The following FRYL variants were observed in gnomAD, a reference collection of about 807,000 sequenced individuals.
FRYL encodes the protein FRY like transcription coactivator.
A neutral mutation model predicts 351.2 loss-of-function variants in FRYL; 150 were observed. That is an observed-to-expected ratio of 0.43 (90% CI 0.37 to 0.49). The LOEUF (loss-of-function observed/expected upper bound fraction) is 0.49, where lower values mean the gene tolerates loss of function less well. Ranked by LOEUF, FRYL falls within the 20% of genes least tolerant of loss-of-function variation. FRYL has a pLI of 0.00. For missense variants in FRYL, 3,036 were observed against 3,619.3 expected (o/e 0.84, Z 4.13); for synonymous variants, 1,153 against 1,257.1 (o/e 0.92, Z 1.75).
chr4:48,644,424 A>G (rs1366349847), intron 3 of FRYL, among the ~76,000 whole-genome samples: 1 of 151,912 alleles, frequency 6.6e-6, no homozygotes, highest in Non-Finnish European at 1.5e-5. Context: ...TCAGAACATA[A>G]TATGATTATA....
intron 45 of FRYL, 51 bp downstream of exon 45, chr4:48,541,976 G>C: frequency 8.5e-7 from 1 of 1,171,232 alleles, no homozygotes; most frequent in Non-Finnish European, 1.3e-6. Flanking sequence ...GCTATATGTA[G>C]TTAGCTATTC....
At chr4:48,721,691 G>A (rs1769490079) in intron 1 of FRYL, among the ~76,000 whole-genome samples, 1 of 152,130 alleles carries the variant, frequency 6.6e-6, no homozygotes, top group Admixed American at 6.5e-5. Context: ...CCAGGCTGGA[G>A]TGCTGTGGCG....
intron 54 of FRYL, among the ~76,000 whole-genome samples, chr4:48,521,777 C>T (rs6823932): frequency 0.021 from 3,270 of 152,186 alleles, 113 homozygotes; most frequent in African/African-American, 0.073. Context: ...TTAGCAGCAG[C>T]GGTTGGTCAT....
intron 1 of FRYL, among the ~76,000 whole-genome samples, chr4:48,742,973 ATTTTTTTTTTTTTT>A (rs71191256): frequency 1.2e-5 from 1 of 81,746 alleles, no homozygotes; most frequent in Non-Finnish European, 2.3e-5. Context: ...CGCCTGGATA[ATTTTTTTTTTTTTT>A]TTTTTTTTTT....
intron 1 of FRYL, among the ~76,000 whole-genome samples, chr4:48,728,624 T>C (rs1770345341): frequency 6.6e-6 from 1 of 151,290 alleles, no homozygotes; most frequent in African/African-American, 2.4e-5. Flanking sequence ...CTACAGAAAA[T>C]CTAAGATAAA....
intron 1 of FRYL, among the ~76,000 whole-genome samples, chr4:48,755,172 A>G (rs1250187163): frequency 6.6e-6 from 1 of 152,144 alleles, no homozygotes; most frequent in Non-Finnish European, 1.5e-5. Context: ...ATTCAGTCAC[A>G]TCTCCCTCAC....
Position 48,581,422 on chromosome 4 carries a change from T to C in FRYL, c.2170A>G (p.Lys724Glu). 1 of 1,604,302 alleles carries C rather than the reference T, an allele frequency of 6.2e-7. No individual in the cohort carries two copies. Residue 724 changes from lysine (K) to glutamate (E), a missense_variant and splice_region_variant, in exon 21 of 64, where the codon AAG (lysine) becomes GAG (glutamate). Physicochemically the swap from Lys to Glu is moderately conservative, Grantham distance 56. Coordinates refer to ENST00000358350, the MANE Select transcript of FRYL (RefSeq NM_015030.2). ...RALFALLEIP[K>E]GDDELAIDVM... ...TGAATGAAATACCTAAATCTTACCTTAGGTATTTCCAGAAGTGCAAATAAA... is the reference window on the plus strand; with the variant it reads ...TGAATGAAATACCTAAATCTTACCTCAGGTATTTCCAGAAGTGCAAATAAA...
At chr4:48,573,068 G>A (rs1194682242) in intron 26 of FRYL, 118 bp downstream of exon 26, 2 of 675,070 alleles carry the variant, frequency 3.0e-6, no homozygotes, top group Non-Finnish European at 5.1e-6. Flanking sequence ...GGAAGTGTCT[G>A]CATCTTAAAA....
chr4:48,592,081 CTTATATATATATATATAT>C (rs1743393777), intron 16 of FRYL, among the ~76,000 whole-genome samples: 2 of 24,808 alleles, frequency 8.1e-5, no homozygotes, highest in African/African-American at 1.6e-4. Context: ...AAATAAAGCT[CTTATATATATATATATAT>C]ATATATATAT....
At chr4:48,705,453 C>T (rs1767226366) in intron 2 of FRYL, among the ~76,000 whole-genome samples, 1 of 148,192 alleles carries the variant, frequency 6.7e-6, no homozygotes. Flanking sequence ...AGGAGTGATC[C>T]CCAGAATATA....
intron 1 of FRYL, among the ~76,000 whole-genome samples, chr4:48,737,191 A>G (rs1051276867): frequency 8.2e-5 from 12 of 145,784 alleles, no homozygotes; most frequent in Admixed American, 7.1e-5. Context: ...CTGGAGGCGG[A>G]GATTGCAGTG....
chr4:48,525,988 T>C (rs1235386188), intron 53 of FRYL, among the ~76,000 whole-genome samples: 1 of 152,076 alleles, frequency 6.6e-6, no homozygotes, highest in Non-Finnish European at 1.5e-5. Context: ...GAGTTGTATA[T>C]GTGTATGTAT....
intron 33 of FRYL, among the ~76,000 whole-genome samples, chr4:48,559,327 T>C (rs547433611): frequency 2.7e-5 from 4 of 150,764 alleles, no homozygotes; most frequent in Non-Finnish European, 5.9e-5. Context: ...GGTCACGGTG[T>C]GGTTTGACTT....
At chr4:48,760,636 T>C (rs1774306427) in intron 1 of FRYL, among the ~76,000 whole-genome samples, 1 of 152,136 alleles carries the variant, frequency 6.6e-6, no homozygotes, top group African/African-American at 2.4e-5. Context: ...GGGAAAATGT[T>C]GTCATTCATC....
intron 3 of FRYL, among the ~76,000 whole-genome samples, chr4:48,643,658 C>G (rs920179424): frequency 5.9e-5 from 9 of 151,988 alleles, no homozygotes; most frequent in African/African-American, 2.2e-4. Flanking sequence ...AAAATTAAAT[C>G]GTTACAAATA....
At position 48,731,045 on chromosome 4, in the gene FRYL, C is replaced by CA. The variant is rs372047149; in HGVS notation, c.-383-20348dup. Among the ~76,000 whole-genome samples the CA allele has an allele frequency of 5.7e-3, 803 of 141,880 alleles. 2 individuals carry two copies. Among genetic ancestry groups the CA allele is most frequent in the African/African-American group, 8.3e-3 (320 of 38,766 alleles). 93.1% of individuals were successfully genotyped at this position (141,880 alleles called of 152,430 possible). A position where few individuals can be genotyped will look rare whatever the true frequency, so the allele number is the denominator to read the frequency against. ...GAAGATCTACCAAGCAAATGGAAAG[C>CA]AAAAAAAAAAGCAGGGGTTGCAGTC... On this transcript the variant is annotated intron_variant, in intron 1 of 63. Coordinates refer to ENST00000358350, the MANE Select transcript of FRYL (RefSeq NM_015030.2).
intron 1 of FRYL, among the ~76,000 whole-genome samples, chr4:48,726,651 C>T (rs184821190): frequency 2.9e-3 from 439 of 152,284 alleles, no homozygotes; most frequent in Non-Finnish European, 4.2e-3. Flanking sequence ...CACAGCACTC[C>T]AGTCTGGGCG....
At chr4:48,726,152 C>G (rs1770059193) in intron 1 of FRYL, among the ~76,000 whole-genome samples, 1 of 152,130 alleles carries the variant, frequency 6.6e-6, no homozygotes, top group South Asian at 2.1e-4. Context: ...GTGAGGTGGT[C>G]AGGCTTACCA....
At chr4:48,551,737 A>G (rs1031231487) in intron 36 of FRYL, among the ~76,000 whole-genome samples, 159 bp from the exon 37 acceptor site, 2 of 152,374 alleles carry the variant, frequency 1.3e-5, no homozygotes, top group Middle Eastern at 3.4e-3. Flanking sequence ...GGGAAAGGAC[A>G]TAAGACAAAC....
Sources: gnomAD v4.1 joint callset for allele counts (sites outside exome capture counted in the v4.1 genomes callset) on GRCh38, gnomAD v4.1.1 for gene constraint, MANE v1.5 for transcripts, NCBI Gene and HGNC (gene_info 2026-07-23, HGNC 2026-07-21) for gene names.